The following IPMK variants were observed in gnomAD, a reference collection of about 807,000 sequenced individuals.
IPMK encodes the protein inositol polyphosphate multikinase, also known as inositol 1,3,4,6-tetrakisphosphate 5-kinase.
A neutral mutation model predicts 45.8 loss-of-function variants in IPMK; 17 were observed. The observed-to-expected ratio is 0.37, with a 90% CI of 0.25 to 0.56. The LOEUF (loss-of-function observed/expected upper bound fraction) is 0.56. Ranked by LOEUF, IPMK falls within the 20% of genes least tolerant of loss-of-function variation. The pLI is 0.79. For missense variants in IPMK, 399 were observed against 498.0 expected (o/e 0.80, Z 1.89); for synonymous variants, 180 against 184.3 (o/e 0.98, Z 0.19).
chr10:58,193,263 CTCAA>C lies in IPMK; in HGVS notation c.*2809_*2812del, dbSNP rs1250715673. On this transcript the variant is annotated 3_prime_UTR_variant, in exon 6 of 6. Coordinates refer to ENST00000373935, the MANE Select transcript of IPMK (RefSeq NM_152230.5). ...GGAAATCATAAAATACTAAATTATG[CTCAA>C]TCAAAATACAGACGAAGGTTCTTCA... 4.6e-5 allele frequency: 7 copies of C among 151,814 alleles called. No individual in the cohort carries two copies. Among genetic ancestry groups the C allele is most frequent in the African/African-American group, 1.7e-4 (7 of 41,394 alleles). The allele number at this position is 151,814 out of a possible 1,614,324, so 9.4% of individuals were successfully genotyped here.
rs569152831 is a variant in IPMK at position 58,263,829 on chromosome 10, T to C, written c.190+3593A>G. On this transcript the variant is annotated intron_variant, in intron 1 of 5. Coordinates refer to ENST00000373935, the MANE Select transcript of IPMK (RefSeq NM_152230.5). ...CTGGAAAAGTATCATCTGAATCCCA[T>C]CGTAAGGAACTATCAGAAACCCAAA... is the stretch of plus-strand genomic sequence containing the variant. Among the ~76,000 whole-genome samples the C allele has an allele frequency of 3.3e-5, 5 of 152,264 alleles. No individual in the cohort carries two copies. The East Asian group carries it at 5.8e-4, about 18-fold the overall frequency.
intron 2 of IPMK, among the ~76,000 whole-genome samples, chr10:58,230,217 G>A (rs1375091522): frequency 6.6e-6 from 1 of 152,200 alleles, no homozygotes; most frequent in Admixed American, 6.5e-5. Flanking sequence ...CCACCTCTGT[G>A]GGCAGGGCAT....
At chr10:58,216,100 A>G in intron 4 of IPMK, 45 bp downstream of exon 4, 1 of 1,235,090 alleles carries the variant, frequency 8.1e-7, no homozygotes, top group East Asian at 2.7e-5. Flanking sequence ...CAAGGGAAGA[A>G]CATGTACAGA....
intron 3 of IPMK, among the ~76,000 whole-genome samples, chr10:58,221,699 C>A (rs2132156086): frequency 6.6e-6 from 1 of 152,204 alleles, no homozygotes; most frequent in African/African-American, 2.4e-5. Context: ...GCTGGGACTA[C>A]AGGTGCATGT....
chr10:58,226,192 T>C (rs1247376716), intron 3 of IPMK, among the ~76,000 whole-genome samples: 1 of 152,064 alleles, frequency 6.6e-6, no homozygotes, highest in East Asian at 1.9e-4. Context: ...CGCAAAGTCA[T>C]TAAGTTAAAG....
intron 1 of IPMK, among the ~76,000 whole-genome samples, chr10:58,246,218 G>A (rs1240631738): frequency 6.7e-6 from 1 of 148,682 alleles, no homozygotes; most frequent in African/African-American, 2.5e-5. Context: ...CGTGAAAATG[G>A]CCATACTGCC....
At chr10:58,260,021 C>G (rs1330464378) in intron 1 of IPMK, among the ~76,000 whole-genome samples, 4 of 152,168 alleles carry the variant, frequency 2.6e-5, no homozygotes, top group African/African-American at 9.7e-5. Context: ...AAAACGATAA[C>G]TTTCCTGTGG....
At position 58,218,358 on chromosome 10, in the gene IPMK, A is replaced by G. The variant is rs572121046; in HGVS notation, c.374-2041T>C. ...AAGCTTCTGTGTCTAAAAGATAACC[A>G]TGGATGGTATGAGAGAAGAAAGAAG... is the stretch of plus-strand genomic sequence containing the variant. On this transcript the variant is annotated intron_variant, in intron 3 of 5. Coordinates refer to ENST00000373935, the MANE Select transcript of IPMK (RefSeq NM_152230.5). Among the ~76,000 whole-genome samples, 60 of 152,362 alleles carry G rather than the reference A, an allele frequency of 3.9e-4. 2 individuals carry two copies. The highest frequency in any genetic ancestry group is 1.3e-3 in the African/African-American group (56 of 41,586).
intron 1 of IPMK, among the ~76,000 whole-genome samples, chr10:58,246,849 C>T (rs1340758959): frequency 6.6e-6 from 1 of 151,550 alleles, no homozygotes; most frequent in African/African-American, 2.4e-5. Flanking sequence ...AAAGACACTA[C>T]CATCAGAGTG....
chr10:58,196,540 G>C lies in IPMK; in HGVS notation c.787C>G (p.Pro263Ala). The change falls in exon 6 of 6, where the codon CCA becomes GCA. Residue 263 changes from proline to alanine, a missense_variant. By Grantham distance (27) the Pro-to-Ala change is conservative (BLOSUM62 -1). Coordinates refer to ENST00000373935, the MANE Select transcript of IPMK (RefSeq NM_152230.5). ...LLFVYEGSSQ[P>A]TTTKLNDRTL... ...CTGTCATTCAATTTTGTAGTGGTTGGCTGAGATGAACCTTCATAAACAAAG... is the reference window on the plus strand; with the variant it reads ...CTGTCATTCAATTTTGTAGTGGTTGCCTGAGATGAACCTTCATAAACAAAG... 6.2e-7 allele frequency: 1 copy of C among 1,613,904 alleles called. No homozygotes were observed.
intron 4 of IPMK, among the ~76,000 whole-genome samples, chr10:58,207,565 T>C (rs1838089091): frequency 6.6e-6 from 1 of 152,184 alleles, no homozygotes. Flanking sequence ...TGTTCTAGGG[T>C]ATAGTTTAAG....
intron 1 of IPMK, among the ~76,000 whole-genome samples, chr10:58,266,259 A>C (rs528618736): frequency 1.2e-4 from 19 of 152,234 alleles, no homozygotes; most frequent in Non-Finnish European, 2.8e-4. Flanking sequence ...CAGTGGGGAG[A>C]AAGGCACACA....
intron 2 of IPMK, among the ~76,000 whole-genome samples, chr10:58,234,483 C>A (rs1017410280): frequency 2.0e-5 from 3 of 152,124 alleles, no homozygotes; most frequent in African/African-American, 7.2e-5. Context: ...ACCAATGGAA[C>A]AGAACAGAGT....
chr10:58,242,598 T>C (rs190870367), intron 1 of IPMK, among the ~76,000 whole-genome samples: 36 of 152,264 alleles, frequency 2.4e-4, no homozygotes, highest in Admixed American at 2.6e-4. Flanking sequence ...CTCATCACTA[T>C]ACTCAAATCA....
At chr10:58,249,022 C>G (rs1025741632) in intron 1 of IPMK, among the ~76,000 whole-genome samples, 1 of 152,148 alleles carries the variant, frequency 6.6e-6, no homozygotes, top group African/African-American at 2.4e-5. Flanking sequence ...CTTCAACATA[C>G]TGATTTCTTT....
chr10:58,246,321 A>G (rs1311933823), intron 1 of IPMK, among the ~76,000 whole-genome samples: 1 of 150,094 alleles, frequency 6.7e-6, no homozygotes, highest in Non-Finnish European at 1.5e-5. Flanking sequence ...TTCATATGGA[A>G]CCAAAAAAGA....
chr10:58,238,840 T>G (rs1218326646), intron 1 of IPMK, among the ~76,000 whole-genome samples: 2 of 130,260 alleles, frequency 1.5e-5, no homozygotes, highest in Non-Finnish European at 3.6e-5. Flanking sequence ...AAATCAAGTT[T>G]GTTTTTTGTT....
intron 4 of IPMK, 43 bp from the exon 5 acceptor site, chr10:58,199,364 G>A (rs757561342): frequency 7.5e-7 from 1 of 1,329,048 alleles, no homozygotes; most frequent in South Asian, 1.4e-5. Context: ...AATACTCCTT[G>A]ACCATGTGGG....
intron 1 of IPMK, among the ~76,000 whole-genome samples, chr10:58,266,232 T>C (rs1331103946): frequency 6.6e-6 from 1 of 152,158 alleles, no homozygotes; most frequent in Non-Finnish European, 1.5e-5. Context: ...CTCTCTAACA[T>C]CTAGGAATTC....
Sources: allele counts gnomAD v4.1 joint callset (sites outside exome capture counted in the v4.1 genomes callset), GRCh38; gene constraint gnomAD v4.1.1; transcripts MANE v1.5; gene names NCBI Gene and HGNC (gene_info 2026-07-23, HGNC 2026-07-21).